MS4A15: variants seen among roughly 807,000 people sequenced by gnomAD.
MS4A15 encodes membrane-spanning 4-domains subfamily A member 15.
Under a neutral mutation model 20.6 loss-of-function variants are expected in MS4A15, and 22 were observed. That is an observed-to-expected ratio of 1.07 (90% CI 0.76 to 1.52). The LOEUF (loss-of-function observed/expected upper bound fraction) is 1.52. MS4A15 is among the 40% of genes most tolerant of loss of function. The pLI, the probability that MS4A15 is intolerant of heterozygous loss-of-function variation, is 0.00. For synonymous variants in MS4A15, 129 were observed against 129.3 expected (o/e 1.00, Z 0.02); for missense variants, 312 against 323.0 (o/e 0.97, Z 0.26).
intron 1 of MS4A15, among the ~76,000 whole-genome samples, chr11:60,761,869 T>C (rs1853750195): frequency 6.6e-6 from 1 of 152,214 alleles, no homozygotes. Flanking sequence ...CCTTTTATAG[T>C]AGTAAAGTCT....
intron 6 of MS4A15, 100 bp downstream of exon 6, chr11:60,774,050 T>C (rs1355663448): frequency 2.5e-6 from 2 of 814,102 alleles, no homozygotes. Flanking sequence ...GACCCCTCCC[T>C]CTGCACTCTG....
intron 1 of MS4A15, among the ~76,000 whole-genome samples, chr11:60,763,459 G>T (rs1224693918): frequency 1.3e-5 from 2 of 152,180 alleles, no homozygotes; most frequent in African/African-American, 4.8e-5. Flanking sequence ...ATATAGCTCA[G>T]AGATTAAGAG....
In MS4A15 at chr11:60,759,359, C is replaced by T. The variant is rs573707752; in HGVS notation, c.-29+2301C>T. On this transcript the variant is annotated intron_variant, in intron 1 of 6. Coordinates refer to ENST00000405633, the MANE Select transcript of MS4A15 (RefSeq NM_001098835.2). The stretch of plus-strand genomic sequence containing the variant: ...AGACAGTATGCTTGGTAAAAGTCAT[C>T]GCCATTCTCCATTCTCTATTAACCA... Among the ~76,000 whole-genome samples the T allele has an allele frequency of 1.6e-4, 25 of 152,212 alleles. 1 individual carries two copies. The highest frequency in any genetic ancestry group is 2.6e-4 in the Non-Finnish European group (18 of 68,030).
chr11:60,774,198 G>A (rs1292521518), intron 6 of MS4A15, among the ~76,000 whole-genome samples: 1 of 152,090 alleles, frequency 6.6e-6, no homozygotes, highest in African/African-American at 2.4e-5. Context: ...GATCTCTTGA[G>A]CCCTGGAGTT....
At chr11:60,771,702 G>T in intron 4 of MS4A15, 1 of 1,315,220 alleles carries the variant, frequency 7.6e-7, no homozygotes, top group South Asian at 1.3e-5. Flanking sequence ...ATGCACGGAG[G>T]AGTGTGGGCA....
intron 1 of MS4A15, among the ~76,000 whole-genome samples, chr11:60,760,992 A>G (rs1339559762): frequency 1.3e-5 from 2 of 152,206 alleles, no homozygotes; most frequent in Non-Finnish European, 2.9e-5. Flanking sequence ...GTAAGACGAC[A>G]TAGATGTTGG....
intron 3 of MS4A15, 121 bp downstream of exon 3, chr11:60,767,776 C>G (rs1389227779): frequency 2.5e-6 from 3 of 1,223,700 alleles, no homozygotes; most frequent in Non-Finnish European, 1.1e-6. Flanking sequence ...GGCCTGGAGG[C>G]ACTTCCTAGA....
At chr11:60,773,525 A>G (rs1456996590) in intron 5 of MS4A15, 41 bp downstream of exon 5, 6 of 1,571,090 alleles carry the variant, frequency 3.8e-6, no homozygotes, top group Non-Finnish European at 5.3e-6. Context: ...AAACTTGGAA[A>G]ATGATGCAGC....
At chr11:60,764,087 T>C (rs182147402) in intron 2 of MS4A15, 129 bp downstream of exon 2, 4 of 842,354 alleles carry the variant, frequency 4.7e-6, no homozygotes, top group Admixed American at 2.6e-5. Context: ...GATTCAGCCA[T>C]GCACCAGGTA....
intron 4 of MS4A15, chr11:60,771,600 G>A (rs1463105795): frequency 6.6e-7 from 1 of 1,503,862 alleles, no homozygotes; most frequent in African/African-American, 1.4e-5. Flanking sequence ...GTCATTCCGA[G>A]AAAGGAAAGA....
At chr11:60,773,297 C>A (rs1590986409) in intron 4 of MS4A15, 95 bp from the exon 5 acceptor site, 2 of 961,450 alleles carry the variant, frequency 2.1e-6, no homozygotes, top group Non-Finnish European at 1.6e-6. Flanking sequence ...CTGTGGGAGG[C>A]AGCGTGCTGG....
Position 60,775,618 on chromosome 11 carries a change from T to C in MS4A15, c.626T>C (p.Leu209Pro), listed in dbSNP as rs1854172337. The C allele has an allele frequency of 3.7e-6, 6 of 1,613,936 alleles. No homozygotes were observed. The highest frequency in any genetic ancestry group is 4.5e-5 in the East Asian group (2 of 44,884). ...TTTTCTTTGCAGCCTGTGATCTTCCTGCCAAACGCCTTCAGCGCAGACTTC... is the reference window on the plus strand; with the variant it reads ...TTTTCTTTGCAGCCTGTGATCTTCCCGCCAAACGCCTTCAGCGCAGACTTC... Reference protein sequence around the residue: ...HAQASAPVIFLPNAFSADFNI... With the variant: ...HAQASAPVIFPPNAFSADFNI... The change falls in exon 7 of 7, where the codon CTG becomes CCG. Residue 209 changes from leucine (L) to proline (P), a missense_variant. Physicochemically the swap from Leu to Pro is moderately conservative, Grantham distance 98. Coordinates refer to ENST00000405633, the MANE Select transcript of MS4A15 (RefSeq NM_001098835.2).
chr11:60,761,784 T>C (rs1818279), intron 1 of MS4A15, among the ~76,000 whole-genome samples: 146,906 of 152,336 alleles, frequency 0.96, 70,948 homozygotes, highest in East Asian at 1. Context: ...GTTACTGACA[T>C]AGTTGTGATT....
At chr11:60,760,907 G>A (rs868044794) in intron 1 of MS4A15, among the ~76,000 whole-genome samples, 23 of 152,342 alleles carry the variant, frequency 1.5e-4, no homozygotes, top group Middle Eastern at 6.8e-3. Flanking sequence ...CCGGCTTGCA[G>A]GCATAGAAGC....
At chr11:60,762,973 A>G (rs544200881) in intron 1 of MS4A15, among the ~76,000 whole-genome samples, 1 of 152,234 alleles carries the variant, frequency 6.6e-6, no homozygotes, top group East Asian at 1.9e-4. Context: ...GACCCTCAAA[A>G]AGCCATCTAG....
Position 60,760,421 on chromosome 11 carries a change from C to T in MS4A15, c.-28-3285C>T, listed in dbSNP as rs1853708771. ...CACGAGGTCTGGTGCCTAATGCTAT[C>T]TGGCAAACTGATGTTACTCAGTATC... On this transcript the variant is annotated intron_variant, in intron 1 of 6. Coordinates refer to ENST00000405633, the MANE Select transcript of MS4A15 (RefSeq NM_001098835.2). Among the ~76,000 whole-genome samples the T allele has an allele frequency of 1.3e-5, 2 of 152,174 alleles. 1 individual carries two copies. The highest frequency in any genetic ancestry group is 4.2e-4 in the South Asian group (2 of 4,814).
chr11:60,771,711 C>A, intron 4 of MS4A15: 1 of 1,288,898 alleles, frequency 7.8e-7, no homozygotes, highest in South Asian at 1.4e-5. Context: ...GGAGTGTGGG[C>A]AGGGTCGCCA....
intron 2 of MS4A15, 47 bp from the exon 3 acceptor site, chr11:60,767,486 C>A (rs1228640699): frequency 3.5e-6 from 5 of 1,428,538 alleles, no homozygotes; most frequent in South Asian, 1.5e-5. Flanking sequence ...CGGCAGGGGG[C>A]GGTGTGGAAC....
rs1854202342 is a variant in MS4A15, at chr11:60,776,671, A to G, written c.*956A>G. ...CAGCCTGGTGTTCACCAGGCCTGGTAGATGAGATGGCTTGTCTCATCCACA... is the reference window on the plus strand; with the variant it reads ...CAGCCTGGTGTTCACCAGGCCTGGTGGATGAGATGGCTTGTCTCATCCACA... On this transcript the variant is annotated 3_prime_UTR_variant, in exon 7 of 7. Coordinates refer to ENST00000405633, the MANE Select transcript of MS4A15 (RefSeq NM_001098835.2). 1 of 152,264 alleles carries G rather than the reference A, an allele frequency of 6.6e-6. No homozygotes were observed. The highest frequency in any genetic ancestry group is 6.5e-5 in the Admixed American group (1 of 15,288). The allele number at this position is 152,264 out of a possible 1,614,324, so 9.4% of individuals were successfully genotyped here.
Sources: allele counts gnomAD v4.1 joint callset (sites outside exome capture counted in the v4.1 genomes callset), GRCh38; gene constraint gnomAD v4.1.1; transcripts MANE v1.5; gene names NCBI Gene and HGNC (gene_info 2026-07-23, HGNC 2026-07-21).